CTIF: variants seen among roughly 807,000 people sequenced by gnomAD.
The protein encoded by CTIF is CBP80/20-dependent translation initiation factor.
A neutral mutation model predicts 66.0 loss-of-function variants in CTIF; 21 were observed. The observed-to-expected ratio is 0.32, with a 90% CI of 0.23 to 0.46. The LOEUF is 0.46. Among genes scored for constraint, CTIF ranks in the 20% least tolerant of loss-of-function variants. The pLI, the probability that CTIF is intolerant of heterozygous loss-of-function variation, is 1.00. For missense variants in CTIF, 739 were observed against 812.7 expected (o/e 0.91, Z 1.10); for synonymous variants, 345 against 326.4 (o/e 1.06, Z -0.62).
intron 1 of CTIF, among the ~76,000 whole-genome samples, chr18:48,596,029 C>T (rs1382743578): frequency 3.9e-5 from 6 of 152,168 alleles, no homozygotes; most frequent in Admixed American, 3.9e-4. Flanking sequence ...AAGTGACATC[C>T]TATCACCTTT....
At chr18:48,616,528 C>T (rs1302940830) in intron 1 of CTIF, among the ~76,000 whole-genome samples, 1 of 152,216 alleles carries the variant, frequency 6.6e-6, no homozygotes, top group Non-Finnish European at 1.5e-5. Context: ...CATAGTCGTG[C>T]AGACCTGGAA....
At chr18:48,747,526 C>T (rs1030951199) in intron 7 of CTIF, among the ~76,000 whole-genome samples, 3 of 152,122 alleles carry the variant, frequency 2.0e-5, no homozygotes, top group Non-Finnish European at 4.4e-5. Flanking sequence ...ACTTGGAGTC[C>T]TGGGGTCACT....
At chr18:48,641,197 G>C (rs2090923515) in intron 3 of CTIF, among the ~76,000 whole-genome samples, 2 of 152,240 alleles carry the variant, frequency 1.3e-5, no homozygotes, top group Non-Finnish European at 2.9e-5. Context: ...CAAGGTGTTG[G>C]CATGGGATTT....
rs1474808462 is a variant in CTIF, at chr18:48,860,616, CA to C, written c.*1061del. 6.6e-6 allele frequency: 1 copy of C among 152,494 alleles called. No individual in the cohort carries two copies. Among genetic ancestry groups the C allele is most frequent in the African/African-American group, 2.4e-5 (1 of 41,462 alleles). 9.4% of individuals were successfully genotyped at this position (152,494 alleles called of 1,614,324 possible). The stretch of plus-strand genomic sequence containing the variant: ...CAGAACGAGACTGGCAAATTAAAAC[CA>C]AAATTCTAGATGGTGTCTTGCGCTC... On this transcript the variant is annotated 3_prime_UTR_variant, in exon 12 of 12. Transcript: ENST00000256413.
chr18:48,861,699 G>C lies in CTIF; in HGVS notation c.*2140G>C, dbSNP rs920485341. The C allele has an allele frequency of 6.6e-6, 1 of 152,336 alleles. No individual in the cohort carries two copies. Among genetic ancestry groups the C allele is most frequent in the Non-Finnish European group, 1.5e-5 (1 of 68,110 alleles). 9.4% of individuals were successfully genotyped at this position (152,336 alleles called of 1,614,324 possible). On this transcript the variant is annotated 3_prime_UTR_variant, in exon 12 of 12. Transcript: ENST00000256413. The stretch of plus-strand genomic sequence containing the variant: ...AGACCCAACGGTGAGCTCAGAGCAA[G>C]CTTCACGCAGGACGCTCCGAAACAC...
At chr18:48,781,378 G>A (rs1274200949) in intron 9 of CTIF, among the ~76,000 whole-genome samples, 1 of 152,204 alleles carries the variant, frequency 6.6e-6, no homozygotes, top group African/African-American at 2.4e-5. Flanking sequence ...GGGCAAAGAG[G>A]GTGCGGGGGA....
intron 6 of CTIF, among the ~76,000 whole-genome samples, chr18:48,689,602 C>T (rs558796613): frequency 6.6e-6 from 1 of 152,276 alleles, no homozygotes; most frequent in South Asian, 2.1e-4. Context: ...GGAGGGCCCA[C>T]CTGAAAGGAG....
intron 9 of CTIF, among the ~76,000 whole-genome samples, chr18:48,770,153 A>T (rs150579100): frequency 1.3e-5 from 2 of 152,354 alleles, no homozygotes; most frequent in Non-Finnish European, 2.9e-5. Context: ...ATCCTCAGCC[A>T]GTCCTGGAAA....
intron 6 of CTIF, among the ~76,000 whole-genome samples, chr18:48,673,381 C>A (rs906341945): frequency 1.3e-5 from 2 of 152,010 alleles, no homozygotes; most frequent in African/African-American, 4.8e-5. Flanking sequence ...AGCAGAAATT[C>A]AGCATGAACC....
rs528566250 is a variant in CTIF, at chr18:48,731,574, C to T, written c.584+19879C>T. On this transcript the variant is annotated intron_variant, in intron 7 of 11. Coordinates refer to ENST00000256413, the MANE Select transcript of CTIF (RefSeq NM_014772.3). ...ACTCAGCTTAGGGACCTAGTAAGGG[C>T]TTGGTTTGTCTGTGATAAGTGAAAG... Among the ~76,000 whole-genome samples, 25 of 152,258 alleles carry T rather than the reference C, an allele frequency of 1.6e-4. No homozygotes were observed. The East Asian group carries it at 4.8e-3, about 29-fold the overall frequency.
chr18:48,811,352 A>AT (rs58743707), intron 9 of CTIF, among the ~76,000 whole-genome samples: 12,646 of 152,164 alleles, frequency 0.083, 588 homozygotes, highest in African/African-American at 0.1. Context: ...TCAGAGTTAA[A>AT]TCATAAATTT....
rs7226570 is a variant in CTIF, at chr18:48,751,625, G to A, written c.585-6294G>A. On this transcript the variant is annotated intron_variant, in intron 7 of 11. Transcript: ENST00000256413. ...GGCAGAGACGTGGGTGTGATGTAGG[G>A]CATTCCAGACTGTAATCATATCAGG... Among the ~76,000 whole-genome samples the A allele has an allele frequency of 7.9e-3, 1,203 of 152,336 alleles. 25 individuals are homozygous for A. The highest frequency in any genetic ancestry group is 0.027 in the African/African-American group (1,109 of 41,582).
intron 1 of CTIF, among the ~76,000 whole-genome samples, chr18:48,609,497 A>G (rs2090268056): frequency 6.6e-6 from 1 of 152,188 alleles, no homozygotes. Context: ...TCATTCTTTC[A>G]CATGATTCTC....
At chr18:48,819,606 GAACA>G (rs1189165939) in intron 10 of CTIF, among the ~76,000 whole-genome samples, 3 of 152,242 alleles carry the variant, frequency 2.0e-5, no homozygotes, top group African/African-American at 7.2e-5. Flanking sequence ...GTGCAGACAA[GAACA>G]AAGAGCCACG....
chr18:48,716,296 G>T (rs1331945885), intron 7 of CTIF, among the ~76,000 whole-genome samples: 3 of 152,238 alleles, frequency 2.0e-5, no homozygotes, highest in Non-Finnish European at 4.4e-5. Flanking sequence ...CGCTGTGCAT[G>T]ACTGTCAGTC....
chr18:48,615,916 G>A (rs1259154646), intron 1 of CTIF, among the ~76,000 whole-genome samples: 2 of 152,198 alleles, frequency 1.3e-5, no homozygotes, highest in Non-Finnish European at 2.9e-5. Flanking sequence ...CCTTCCTCGG[G>A]GCACCAAAAG....
chr18:48,604,802 T>G (rs951097701), intron 1 of CTIF, among the ~76,000 whole-genome samples: 1 of 152,222 alleles, frequency 6.6e-6, no homozygotes. Flanking sequence ...CCTGCCTCAG[T>G]TGTAAGCAAA....
intron 6 of CTIF, among the ~76,000 whole-genome samples, chr18:48,709,001 C>T (rs554428809): frequency 1.3e-5 from 2 of 152,272 alleles, no homozygotes; most frequent in South Asian, 4.1e-4. Flanking sequence ...ATGATGGCAT[C>T]GATGACAGTG....
intron 7 of CTIF, among the ~76,000 whole-genome samples, chr18:48,750,888 C>T (rs1428999850): frequency 5.3e-5 from 8 of 152,240 alleles, no homozygotes; most frequent in African/African-American, 1.9e-4. Flanking sequence ...CTGCCCTACA[C>T]TCTCAGAACA....
Sources: allele counts gnomAD v4.1 joint callset (sites outside exome capture counted in the v4.1 genomes callset), GRCh38; gene constraint gnomAD v4.1.1; transcripts MANE v1.5; gene names NCBI Gene and HGNC (gene_info 2026-07-23, HGNC 2026-07-21).